Variants in MYT1L observed in about 807,000 individuals in gnomAD.
MYT1L encodes the protein myelin transcription factor 1-like protein.
In MYT1L, 12 loss-of-function variants were observed where a neutral mutation model predicts 126.7. The observed-to-expected ratio is 0.09, with a 90% confidence interval of 0.06 to 0.15. The LOEUF (loss-of-function observed/expected upper bound fraction) is 0.15. MYT1L is among the 10% of genes least tolerant of loss of function. The pLI is 1.00. For missense variants in MYT1L, 979 were observed against 1,585.2 expected, an observed-to-expected ratio of 0.62 and a Z score of 6.49; for synonymous variants, 541 against 604.2, an observed-to-expected ratio of 0.90 and a Z score of 1.53.
At chr2:2,160,940 G>A (rs1262817278) in intron 3 of MYT1L, among the ~76,000 whole-genome samples, 10 of 152,140 alleles carry the variant, frequency 6.6e-5, no homozygotes, top group African/African-American at 1.7e-4. Flanking sequence ...AACTGGGCCA[G>A]GCACAGTGGC....
chr2:2,262,368 C>G (rs1284585489), intron 2 of MYT1L, among the ~76,000 whole-genome samples: 1 of 143,714 alleles, frequency 7.0e-6, no homozygotes, highest in Non-Finnish European at 1.5e-5. Context: ...CGTCTCAAAA[C>G]AAACAAACAA....
At chr2:2,138,373 T>A (rs1475570637) in intron 3 of MYT1L, among the ~76,000 whole-genome samples, 2 of 143,530 alleles carry the variant, frequency 1.4e-5, no homozygotes, top group Non-Finnish European at 3.0e-5. Flanking sequence ...TAAATCATGC[T>A]GCTATAAAGA....
intron 4 of MYT1L, among the ~76,000 whole-genome samples, chr2:2,003,096 C>T (rs891815431): frequency 2.0e-5 from 3 of 152,098 alleles, no homozygotes; most frequent in Admixed American, 1.3e-4. Context: ...CACGTCAACC[C>T]CACGGTAAGC....
At chr2:2,295,703 GACAGAC>G (rs2095674367) in intron 1 of MYT1L, among the ~76,000 whole-genome samples, 5 of 116,802 alleles carry the variant, frequency 4.3e-5, no homozygotes, top group Non-Finnish European at 8.0e-5. Flanking sequence ...GAGAGAGAGA[GACAGAC>G]AGACAGAGAG....
At chr2:1,952,448 T>C (rs890695044) in intron 8 of MYT1L, among the ~76,000 whole-genome samples, 1 of 151,990 alleles carries the variant, frequency 6.6e-6, no homozygotes, top group Non-Finnish European at 1.5e-5. Context: ...ATCTTGGAGG[T>C]AGATAAAGTG....
At chr2:2,077,985 A>G (rs1302826619) in intron 3 of MYT1L, among the ~76,000 whole-genome samples, 1 of 152,206 alleles carries the variant, frequency 6.6e-6, no homozygotes. Context: ...AATAATTATA[A>G]AACTGTGCTA....
chr2:2,158,137 A>G (rs2087033972), intron 3 of MYT1L, among the ~76,000 whole-genome samples: 2 of 126,214 alleles, frequency 1.6e-5, no homozygotes. Flanking sequence ...GCCTTGCAAG[A>G]CAGGAACCAT....
At chr2:2,309,596 G>C (rs2095922243) in intron 1 of MYT1L, among the ~76,000 whole-genome samples, 1 of 147,880 alleles carries the variant, frequency 6.8e-6, no homozygotes, top group South Asian at 2.2e-4. Flanking sequence ...TCCACCTTCA[G>C]TGTACTCTAT....
chr2:1,836,019 C>G (rs2040833077), intron 21 of MYT1L, among the ~76,000 whole-genome samples: 1 of 152,134 alleles, frequency 6.6e-6, no homozygotes, highest in Non-Finnish European at 1.5e-5. Flanking sequence ...TTCTGTGGGC[C>G]CTCCAGGGAC....
chr2:2,184,035 G>GAGAAAA lies in MYT1L; in HGVS notation c.-420-11053_-420-11048dup, dbSNP rs756996378. Among the ~76,000 whole-genome samples, 15 of 147,864 alleles carry GAGAAAA rather than the reference G, an allele frequency of 1.0e-4. No individual in the cohort carries two copies. In the South Asian group the frequency reaches 3.0e-3, roughly 30 times the overall value. On this transcript the variant is annotated intron_variant, in intron 2 of 24. Coordinates refer to ENST00000647738, the MANE Select transcript of MYT1L (RefSeq NM_001303052.2). ...AAAGAGAGAAAGAAAGACAGAAAGA[G>GAGAAAA]AGAAAAAGAAAAAGAAAGAAAGAAA... is the stretch of plus-strand genomic sequence containing the variant.
chr2:1,977,645 C>T (rs779235834), intron 8 of MYT1L, among the ~76,000 whole-genome samples: 7 of 152,104 alleles, frequency 4.6e-5, no homozygotes, highest in Admixed American at 6.5e-5. Context: ...CATGTACCCC[C>T]TAAGTATATA....
At chr2:2,236,160 A>C in intron 2 of MYT1L, among the ~76,000 whole-genome samples, 1 of 148,452 alleles carries the variant, frequency 6.7e-6, no homozygotes, top group Non-Finnish European at 1.5e-5. Flanking sequence ...ATCCCATCCT[A>C]ACCCAGCACA....
Position 1,803,571 on chromosome 2 carries a change from C to T in MYT1L, c.3173-1772G>A, listed in dbSNP as rs527945444. On this transcript the variant is annotated intron_variant, in intron 22 of 24. Transcript: ENST00000647738. The stretch of plus-strand genomic sequence containing the variant: ...TTAAATCCAAATAAAAGTCTTGATA[C>T]GGGTCCCATGACAACCTTTCATCTC... Among the ~76,000 whole-genome samples, 10 of 152,336 alleles carry T rather than the reference C, an allele frequency of 6.6e-5. No homozygotes were observed. In the East Asian group the frequency reaches 7.7e-4, roughly 12 times the overall value.
chr2:1,924,069 G>T (rs1367989767), intron 9 of MYT1L, among the ~76,000 whole-genome samples: 2 of 152,210 alleles, frequency 1.3e-5, no homozygotes, highest in East Asian at 3.9e-4. Context: ...GACTGGACAG[G>T]CAGAGCTGGC....
At chr2:2,031,481 GC>G (rs2066245623) in intron 4 of MYT1L, among the ~76,000 whole-genome samples, 2 of 139,620 alleles carry the variant, frequency 1.4e-5, no homozygotes, top group Admixed American at 1.5e-4. Flanking sequence ...TCATCCTGTG[GC>G]CCAAAGCAGA....
intron 1 of MYT1L, among the ~76,000 whole-genome samples, chr2:2,292,053 C>G (rs1237577631): frequency 6.6e-6 from 1 of 152,184 alleles, no homozygotes; most frequent in Non-Finnish European, 1.5e-5. Context: ...GGGCCTGGGC[C>G]TCAGCTGCGT....
intron 2 of MYT1L, among the ~76,000 whole-genome samples, chr2:2,254,634 T>C (rs1019535425): frequency 3.3e-5 from 5 of 152,222 alleles, no homozygotes; most frequent in Non-Finnish European, 5.9e-5. Flanking sequence ...TAGTACTTAG[T>C]ATTTTGTTTT....
intron 1 of MYT1L, among the ~76,000 whole-genome samples, chr2:2,295,897 AAG>A (rs925876261): frequency 1.4e-5 from 2 of 145,458 alleles, no homozygotes; most frequent in African/African-American, 5.1e-5. Context: ...AAAGCAGAGA[AAG>A]AGAGAGAATA....
intron 3 of MYT1L, among the ~76,000 whole-genome samples, chr2:2,079,944 T>A (rs565902711): frequency 1.6e-4 from 24 of 152,274 alleles, no homozygotes; most frequent in African/African-American, 5.5e-4. Flanking sequence ...AAACAGTAAC[T>A]GAGAGAGGAT....
Sources: allele counts gnomAD v4.1 joint callset (sites outside exome capture counted in the v4.1 genomes callset), GRCh38; gene constraint gnomAD v4.1.1; transcripts MANE v1.5; gene names NCBI Gene and HGNC (gene_info 2026-07-23, HGNC 2026-07-21).